RBFOX3: variants seen among roughly 807,000 people sequenced by gnomAD.
RBFOX3 encodes the protein RNA binding fox-1 homolog 3, also known as RNA binding protein fox-1 homolog 3.
RBFOX3 carries 17 observed loss-of-function variants against 48.7 expected under a neutral mutation model. That is an observed-to-expected ratio of 0.35 (90% CI 0.24 to 0.52). RBFOX3 has a LOEUF of 0.52. Among genes scored for constraint, RBFOX3 ranks in the 20% least tolerant of loss-of-function variants. The probability of loss-of-function intolerance (pLI) is 0.94; values close to 1 mark genes in which losing one functional copy is unlikely to be tolerated. For synonymous variants in RBFOX3, 212 were observed against 209.5 expected, an observed-to-expected ratio of 1.01 and a Z score of -0.10; for missense variants, 382 against 497.5, an observed-to-expected ratio of 0.77 and a Z score of 2.21.
chr17:79,437,610 G>C (rs1383429264), intron 2 of RBFOX3, among the ~76,000 whole-genome samples: 1 of 152,186 alleles, frequency 6.6e-6, no homozygotes, highest in Non-Finnish European at 1.5e-5. Context: ...TGTGGGGATG[G>C]GAGGCAGACA....
intron 4 of RBFOX3, among the ~76,000 whole-genome samples, chr17:79,156,035 G>C (rs78140452): frequency 6.6e-6 from 1 of 152,192 alleles, no homozygotes; most frequent in Non-Finnish European, 1.5e-5. Flanking sequence ...CAGCGGCCTC[G>C]TCCCTCGGCC....
chr17:79,403,782 C>CTT (rs781618072), intron 2 of RBFOX3, among the ~76,000 whole-genome samples: 45,344 of 124,034 alleles, frequency 0.37, 9,425 homozygotes, highest in Non-Finnish European at 0.46. Context: ...TGTTCTTTTT[C>CTT]TTTTTTTTTT....
intron 4 of RBFOX3, among the ~76,000 whole-genome samples, chr17:79,151,941 G>A (rs1339828118): frequency 1.5e-5 from 1 of 64,576 alleles, no homozygotes; most frequent in Non-Finnish European, 4.0e-5. Flanking sequence ...CCTACAGAGG[G>A]AGGCGCGGAT....
intron 4 of RBFOX3, among the ~76,000 whole-genome samples, chr17:79,215,301 C>T (rs1398619696): frequency 6.6e-6 from 1 of 152,238 alleles, no homozygotes. Flanking sequence ...CCGCTCTGGG[C>T]TGCAGCCCCG....
intron 3 of RBFOX3, among the ~76,000 whole-genome samples, chr17:79,270,919 T>C (rs985993471): frequency 1.3e-5 from 2 of 152,286 alleles, no homozygotes; most frequent in African/African-American, 2.4e-5. Flanking sequence ...TCCAATGTTA[T>C]GCAACAACAT....
At chr17:79,267,628 C>T (rs1600309026) in intron 3 of RBFOX3, among the ~76,000 whole-genome samples, 4 of 152,232 alleles carry the variant, frequency 2.6e-5, no homozygotes, top group South Asian at 2.1e-4. Context: ...TGACCTCAGA[C>T]GATCCACCTG....
rs116496351 is a variant in RBFOX3 at position 79,355,861 on chromosome 17, G to A, written c.-174-48037C>T. ...TTCCCAAAGTGCTAGAATTACAGAC[G>A]TGAACCACCGTGCCTGGCCGAACTG... On this transcript the variant is annotated intron_variant, in intron 2 of 14. Coordinates refer to ENST00000693108, the MANE Select transcript of RBFOX3 (RefSeq NM_001350451.2). Among the ~76,000 whole-genome samples, 764 of 152,278 alleles carry A rather than the reference G, an allele frequency of 5.0e-3. 6 individuals carry two copies. The highest frequency in any genetic ancestry group is 0.018 in the African/African-American group (735 of 41,554).
At chr17:79,579,250 C>T (rs1255267021) in intron 1 of RBFOX3, among the ~76,000 whole-genome samples, 1 of 152,196 alleles carries the variant, frequency 6.6e-6, no homozygotes, top group Non-Finnish European at 1.5e-5. Flanking sequence ...GTCTGACATG[C>T]ATGCTGCGGT....
intron 2 of RBFOX3, among the ~76,000 whole-genome samples, chr17:79,313,274 C>CT (rs1428698044): frequency 1.3e-5 from 2 of 152,198 alleles, no homozygotes; most frequent in Non-Finnish European, 2.9e-5. Flanking sequence ...CTCGACCTGG[C>CT]TCCAGGGGCT....
chr17:79,197,664 G>A (rs937166400), intron 4 of RBFOX3, among the ~76,000 whole-genome samples: 3 of 151,892 alleles, frequency 2.0e-5, no homozygotes, highest in African/African-American at 7.3e-5. Flanking sequence ...CAAAGTGCTG[G>A]GATTACAGGC....
chr17:79,262,874 G>A (rs2066024913), intron 3 of RBFOX3, among the ~76,000 whole-genome samples: 1 of 152,244 alleles, frequency 6.6e-6, no homozygotes, highest in Non-Finnish European at 1.5e-5. Flanking sequence ...TTGCTTCTTG[G>A]CTGCAAAGCG....
chr17:79,338,639 A>C (rs1261329025), intron 2 of RBFOX3, among the ~76,000 whole-genome samples: 1 of 152,174 alleles, frequency 6.6e-6, no homozygotes, highest in Non-Finnish European at 1.5e-5. Flanking sequence ...GGGTCGACAT[A>C]CATCCCCCAG....
intron 2 of RBFOX3, among the ~76,000 whole-genome samples, chr17:79,415,624 G>T (rs2065220638): frequency 6.6e-6 from 1 of 152,240 alleles, no homozygotes; most frequent in Non-Finnish European, 1.5e-5. Flanking sequence ...CAGCTAGATG[G>T]CCAAGTGGCA....
At chr17:79,504,733 G>A (rs937286576) in intron 1 of RBFOX3, among the ~76,000 whole-genome samples, 18 of 152,172 alleles carry the variant, frequency 1.2e-4, no homozygotes, top group African/African-American at 4.3e-4. Flanking sequence ...CATCTCCCCA[G>A]CTCAAGATCC....
intron 1 of RBFOX3, among the ~76,000 whole-genome samples, chr17:79,557,044 G>T (rs1199540609): frequency 6.6e-6 from 1 of 152,052 alleles, no homozygotes; most frequent in Non-Finnish European, 1.5e-5. Flanking sequence ...AGGAGTTCAA[G>T]ACCAGCCTGG....
At chr17:79,178,007 A>G (rs986122699) in intron 4 of RBFOX3, among the ~76,000 whole-genome samples, 2 of 151,876 alleles carry the variant, frequency 1.3e-5, no homozygotes, top group African/African-American at 4.8e-5. Flanking sequence ...CACAGCCCAC[A>G]TGCCCCGCCG....
At chr17:79,630,813 C>T in the RBFOX3 span, among the ~76,000 whole-genome samples, 3 of 152,140 alleles carry the variant, frequency 2.0e-5, no homozygotes, top group Non-Finnish European at 2.9e-5. Flanking sequence ...AGCGGGTCTG[C>T]ATTATTGACC....
chr17:79,369,795 G>A (rs72851344), intron 2 of RBFOX3, among the ~76,000 whole-genome samples: 14,532 of 152,148 alleles, frequency 0.096, 836 homozygotes, highest in Non-Finnish European at 0.13. Context: ...TCATCTGCCC[G>A]CCCTGATGGA....
At chr17:79,549,206 T>C (rs1162160891) in intron 1 of RBFOX3, among the ~76,000 whole-genome samples, 2 of 152,238 alleles carry the variant, frequency 1.3e-5, no homozygotes, top group African/African-American at 4.8e-5. Flanking sequence ...CATGAGTCTC[T>C]CTGGGCTCTG....
Sources: allele counts gnomAD v4.1 joint callset (sites outside exome capture counted in the v4.1 genomes callset), GRCh38; gene constraint gnomAD v4.1.1; transcripts MANE v1.5; gene names NCBI Gene and HGNC (gene_info 2026-07-23, HGNC 2026-07-21).